The following PLEKHG4B variants were observed in gnomAD, a reference collection of about 807,000 sequenced individuals.
PLEKHG4B encodes pleckstrin homology domain-containing family G member 4B.
Under a neutral mutation model 121.3 loss-of-function variants are expected in PLEKHG4B, and 111 were observed. That is an observed-to-expected ratio of 0.92 (90% CI 0.78 to 1.07). PLEKHG4B has a LOEUF of 1.07. Among genes scored for constraint, PLEKHG4B ranks in the 50% least tolerant of loss-of-function variants. The pLI is 0.00. For synonymous variants in PLEKHG4B, 738 were observed against 725.0 expected (o/e 1.02, Z -0.29); for missense variants, 1,831 against 1,757.8 (o/e 1.04, Z -0.74).
At chr5:155,898 G>T (rs1735761361) in intron 9 of PLEKHG4B, among the ~76,000 whole-genome samples, 173 bp from the exon 10 acceptor site, 1 of 151,874 alleles carries the variant, frequency 6.6e-6, no homozygotes, top group Admixed American at 6.6e-5. Context: ...CTTATCCTGG[G>T]GCCCACCCTC....
chr5:152,617 C>A (rs1040391846), intron 7 of PLEKHG4B, among the ~76,000 whole-genome samples: 18 of 152,068 alleles, frequency 1.2e-4, no homozygotes, highest in African/African-American at 4.1e-4. Context: ...TCTTTTTTAA[C>A]TTTTTTCCTC....
chr5:122,719 C>T (rs1233445094), intron 2 of PLEKHG4B, among the ~76,000 whole-genome samples: 2 of 151,932 alleles, frequency 1.3e-5, no homozygotes, highest in Non-Finnish European at 2.9e-5. Context: ...CGCACCTGGC[C>T]AAAATGCCCT....
intron 7 of PLEKHG4B, among the ~76,000 whole-genome samples, chr5:153,518 C>CAG (rs1406299963): frequency 1.3e-5 from 2 of 152,170 alleles, no homozygotes; most frequent in Non-Finnish European, 2.9e-5. Context: ...CAGGGTCAGC[C>CAG]AGAGACCTGG....
intron 2 of PLEKHG4B, among the ~76,000 whole-genome samples, chr5:132,870 G>A (rs546199888): frequency 6.2e-4 from 94 of 152,224 alleles, no homozygotes; most frequent in Non-Finnish European, 4.7e-4. Flanking sequence ...TGCTTTGGCT[G>A]TGTGGGGTCT....
chr5:119,386 G>A (rs1260290151), intron 2 of PLEKHG4B, among the ~76,000 whole-genome samples: 2 of 152,248 alleles, frequency 1.3e-5, no homozygotes, highest in East Asian at 1.9e-4. Flanking sequence ...TCATCGCCAA[G>A]GTCTGATTTT....
chr5:143,613 C>T (rs1735307191), intron 5 of PLEKHG4B, 110 bp downstream of exon 5: 4 of 1,320,824 alleles, frequency 3.0e-6, no homozygotes, highest in Non-Finnish European at 4.2e-6. Context: ...CAGACTCTGC[C>T]TCTCCTAACC....
intron 13 of PLEKHG4B, among the ~76,000 whole-genome samples, chr5:166,405 AGCTCACACTAATGCTCTGACGG>A (rs1736342083): frequency 3.4e-5 from 1 of 29,042 alleles, no homozygotes; most frequent in African/African-American, 1.0e-4. Flanking sequence ...GACGGGGCGG[AGCTCACACTAATGCTCTGACGG>A]GGCGGAGCTC....
At chr5:165,453 G>A (rs879457588) in intron 13 of PLEKHG4B, among the ~76,000 whole-genome samples, 24 of 18,198 alleles carry the variant, frequency 1.3e-3, no homozygotes, top group African/African-American at 1.8e-3. Flanking sequence ...GATGGGGCGG[G>A]GCTCACACTA....
At chr5:135,104 C>T (rs1454585735) in intron 2 of PLEKHG4B, among the ~76,000 whole-genome samples, 1 of 144,990 alleles carries the variant, frequency 6.9e-6, no homozygotes, top group Non-Finnish European at 1.5e-5. Context: ...AGGAGAATGG[C>T]GTGAACCCAG....
chr5:120,610 A>C (rs942177126), intron 2 of PLEKHG4B, among the ~76,000 whole-genome samples: 1 of 152,206 alleles, frequency 6.6e-6, no homozygotes, highest in African/African-American at 2.4e-5. Flanking sequence ...TTAAAGCCAC[A>C]ACCCTGCCCC....
chr5:132,973 T>A (rs1218308824), intron 2 of PLEKHG4B, among the ~76,000 whole-genome samples: 5 of 152,206 alleles, frequency 3.3e-5, no homozygotes, highest in Non-Finnish European at 7.3e-5. Context: ...ATTTGTAAAT[T>A]GCTTTTGGCA....
intron 2 of PLEKHG4B, among the ~76,000 whole-genome samples, chr5:134,765 CAAAA>C (rs147226236): frequency 1.3e-3 from 114 of 84,684 alleles, no homozygotes; most frequent in African/African-American, 3.8e-3. Context: ...GACTCTGTCT[CAAAA>C]AAAAAAAAAA....
At chr5:122,569 A>G (rs1734500972) in intron 2 of PLEKHG4B, among the ~76,000 whole-genome samples, 2 of 151,906 alleles carry the variant, frequency 1.3e-5, no homozygotes, top group Non-Finnish European at 2.9e-5. Flanking sequence ...ACAGGCATCC[A>G]CCACCACGCC....
Position 182,445 on chromosome 5 carries a change from T to A in PLEKHG4B, c.*122T>A. 1.1e-6 allele frequency: 1 copy of A among 924,374 alleles called. No individual in the cohort carries two copies. The highest frequency in any genetic ancestry group is 1.6e-6 in the Non-Finnish European group (1 of 627,216). 57.3% of individuals were successfully genotyped at this position (924,374 alleles called of 1,614,324 possible). A position where few individuals can be genotyped will look rare whatever the true frequency, so the allele number is the denominator to read the frequency against. The stretch of plus-strand genomic sequence containing the variant: ...CGTGGCTGGAACGATCCAGAGGGAA[T>A]AGCACAGCAGGTGTCCAGGTATTTC... On this transcript the variant is annotated 3_prime_UTR_variant, in exon 20 of 20. Coordinates refer to ENST00000637938, the MANE Select transcript of PLEKHG4B (RefSeq NM_052909.5).
At chr5:144,249 C>T (rs889864093) in intron 5 of PLEKHG4B, 1 of 152,442 alleles carries the variant, frequency 6.6e-6, no homozygotes, top group African/African-American at 2.4e-5. Flanking sequence ...ACCTACCATT[C>T]TCTCCTATTA....
intron 2 of PLEKHG4B, among the ~76,000 whole-genome samples, chr5:127,212 G>C (rs969488734): frequency 8.5e-5 from 13 of 152,136 alleles, no homozygotes; most frequent in Admixed American, 6.6e-4. Context: ...GCTGCTCTTT[G>C]TTAGAAAAGA....
rs1735030913 is a variant in PLEKHG4B, at chr5:137,892, C to G, written c.244-1591C>G. ...AAACCTGTGGAGGGGATGGAGGTGG[C>G]CCCACCAGGCATCCAGCCCAGGACA... On this transcript the variant is annotated intron_variant, in intron 2 of 19. Coordinates refer to ENST00000637938, the MANE Select transcript of PLEKHG4B (RefSeq NM_052909.5). The surrounding 1 kb of genome is among the most constrained non-coding windows in gnomAD (Gnocchi z 4.2). Among the ~76,000 whole-genome samples, 1 of 152,192 alleles carries G rather than the reference C, an allele frequency of 6.6e-6. No homozygotes were observed. Among genetic ancestry groups the G allele is most frequent in the South Asian group, 2.1e-4 (1 of 4,826 alleles).
At position 92,206 on chromosome 5, in the gene PLEKHG4B, C is replaced by G; in HGVS notation, c.-26C>G. The G allele has an allele frequency of 2.7e-6, 1 of 365,240 alleles. No homozygotes were observed. Among genetic ancestry groups the G allele is most frequent in the Non-Finnish European group, 4.8e-6 (1 of 206,308 alleles). 22.6% of individuals were successfully genotyped at this position (365,240 alleles called of 1,614,324 possible). ...ACCAGGCAGAGTTCGGGGAAAGCGT[C>G]GGAGTTCGGGAGACCAGGGTCCAGC... On this transcript the variant is annotated 5_prime_UTR_variant, in exon 1 of 20. Transcript: ENST00000637938.
chr5:151,673 C>A, intron 7 of PLEKHG4B, 74 bp downstream of exon 7: 2 of 984,518 alleles, frequency 2.0e-6, no homozygotes, highest in Non-Finnish European at 3.0e-6. Context: ...AGATGAAACA[C>A]ATGAAGGAAT....
Sources: gnomAD v4.1 joint callset for allele counts (sites outside exome capture counted in the v4.1 genomes callset) on GRCh38, gnomAD v4.1.1 for gene constraint, Gnocchi (gnomAD v3.1) non-coding constraint, MANE v1.5 for transcripts, NCBI Gene and HGNC (gene_info 2026-07-23, HGNC 2026-07-21) for gene names.